SRSF10: variants seen among roughly 807,000 people sequenced by gnomAD.
SRSF10 encodes serine/arginine-rich splicing factor 10.
In SRSF10, 9 loss-of-function variants were observed where a neutral mutation model predicts 32.6. The ratio of observed to expected loss-of-function variants is 0.28; its 90% CI spans 0.17 to 0.48. SRSF10 has a LOEUF of 0.48. Ranked by LOEUF, SRSF10 falls within the 20% of genes least tolerant of loss-of-function variation. The probability of loss-of-function intolerance (pLI) is 0.99; values close to 1 mark genes in which losing one functional copy is unlikely to be tolerated. For synonymous variants in SRSF10, 105 were observed against 112.4 expected, an observed-to-expected ratio of 0.93 and a Z score of 0.42; for missense variants, 201 against 331.8, an observed-to-expected ratio of 0.61 and a Z score of 3.06.
chr1:23,970,410 G>A lies in SRSF10; in HGVS notation c.*732C>T. The A allele has an allele frequency of 1.1e-6, 1 of 945,398 alleles. No individual in the cohort carries two copies. The highest frequency in any genetic ancestry group is 1.3e-6 in the Non-Finnish European group (1 of 795,578). The allele number at this position is 945,398 out of a possible 1,614,324, so 58.6% of individuals were successfully genotyped here. A position where few individuals can be genotyped will look rare whatever the true frequency, so the allele number is the denominator to read the frequency against. On this transcript the variant is annotated 3_prime_UTR_variant, in exon 6 of 6. Coordinates refer to ENST00000492112, the MANE Select transcript of SRSF10 (RefSeq NM_054016.4). ...GAGTCTCACTCTGTTGCCCAGGCTG[G>A]AGTGCAGTGGCGTGATTTTGGCTCA...
chr1:23,965,487 G>C lies in SRSF10; in HGVS notation c.*5655C>G, dbSNP rs1557554803. The stretch of plus-strand genomic sequence containing the variant: ...GAGAAATGAATAGCATAATATGCAA[G>C]AAGCTATCACATGATGGGTATTCTA... On this transcript the variant is annotated 3_prime_UTR_variant, in exon 6 of 6. Transcript: ENST00000492112. 1 of 151,984 alleles carries C rather than the reference G, an allele frequency of 6.6e-6. No homozygotes were observed. Among genetic ancestry groups the C allele is most frequent in the East Asian group, 1.9e-4 (1 of 5,204 alleles). The allele number at this position is 151,984 out of a possible 1,614,324, so 9.4% of individuals were successfully genotyped here. A position where few individuals can be genotyped will look rare whatever the true frequency, so the allele number is the denominator to read the frequency against.
At chr1:23,980,091 A>T (rs1570799761) in intron 1 of SRSF10, 100 bp downstream of exon 1, 1 of 1,308,116 alleles carries the variant, frequency 7.6e-7, no homozygotes, top group Non-Finnish European at 1.0e-6. Context: ...CGCCATCTTC[A>T]CTCCGTCCCC....
At chr1:23,973,208 A>C (rs1313367350) in intron 3 of SRSF10, among the ~76,000 whole-genome samples, 1 of 152,262 alleles carries the variant, frequency 6.6e-6, no homozygotes, top group African/African-American at 2.4e-5. Flanking sequence ...GTTAAAAATA[A>C]TACTAATATC....
In SRSF10 at chr1:23,970,926, C is replaced by A; in HGVS notation, c.*216G>T. ...TCTTTACAAAAATATACAGAGACAC[C>A]ACAAATTGGTAGCTGCCCATAACAT... On this transcript the variant is annotated 3_prime_UTR_variant, in exon 6 of 6. Coordinates refer to ENST00000492112, the MANE Select transcript of SRSF10 (RefSeq NM_054016.4). 2 of 1,254,328 alleles carry A rather than the reference C, an allele frequency of 1.6e-6. No homozygotes were observed. Among genetic ancestry groups the A allele is most frequent in the South Asian group, 3.2e-5 (1 of 30,800 alleles). The allele number at this position is 1,254,328 out of a possible 1,614,324, so 77.7% of individuals were successfully genotyped here.
chr1:23,977,368 A>G (rs1398496505), intron 2 of SRSF10: 2 of 152,262 alleles, frequency 1.3e-5, no homozygotes, highest in African/African-American at 4.8e-5. Flanking sequence ...TTAGGTACCT[A>G]TACCAGGGAG....
Position 23,967,725 on chromosome 1 carries a change from TTAAA to T in SRSF10, c.*3413_*3416del. ...TGGGTATTCCAGCTGCAGTTTGGTC[TTAAA>T]TAAAAGAAGGATGTTTGTCAGTTTG... On this transcript the variant is annotated 3_prime_UTR_variant, in exon 6 of 6. Coordinates refer to ENST00000492112, the MANE Select transcript of SRSF10 (RefSeq NM_054016.4). 1 of 1,611,776 alleles carries T rather than the reference TTAAA, an allele frequency of 6.2e-7. No individual in the cohort carries two copies.
Position 23,968,051 on chromosome 1 carries a change from T to G in SRSF10, c.*3091A>C. The G allele has an allele frequency of 6.6e-7, 1 of 1,522,038 alleles. No homozygotes were observed. 94.3% of individuals were successfully genotyped at this position (1,522,038 alleles called of 1,614,324 possible). Reference sequence around the variant, plus strand: ...TTGAGTGTTGATATAACCATTCTATTTATCATTGAGCCCAGTCATACACAG... The same window carrying G: ...TTGAGTGTTGATATAACCATTCTATGTATCATTGAGCCCAGTCATACACAG... On this transcript the variant is annotated 3_prime_UTR_variant, in exon 6 of 6. Coordinates refer to ENST00000492112, the MANE Select transcript of SRSF10 (RefSeq NM_054016.4).
chr1:23,972,670 G>A (rs2148502559), intron 3 of SRSF10, among the ~76,000 whole-genome samples: 1 of 151,356 alleles, frequency 6.6e-6, no homozygotes, highest in East Asian at 2.0e-4. Context: ...TCGAATTCCT[G>A]ACCTCAAATA....
In SRSF10 at chr1:23,966,451, G is replaced by C. The variant is rs1410691369; in HGVS notation, c.*4691C>G. ...AACTAAGGAATCCAAAACATTTTGT[G>C]ATACTATAAAAGTTATTTATTCGCT... On this transcript the variant is annotated 3_prime_UTR_variant, in exon 6 of 6. Transcript: ENST00000492112. 20 of 152,032 alleles carry C rather than the reference G, an allele frequency of 1.3e-4. No homozygotes were observed. Among genetic ancestry groups the C allele is most frequent in the Admixed American group, 1.3e-3 (20 of 15,264 alleles). The allele number at this position is 152,032 out of a possible 1,614,324, so 9.4% of individuals were successfully genotyped here.
In SRSF10 at chr1:23,966,126, G is replaced by A. The variant is rs905900382; in HGVS notation, c.*5016C>T. On this transcript the variant is annotated 3_prime_UTR_variant, in exon 6 of 6. Transcript: ENST00000492112. The stretch of plus-strand genomic sequence containing the variant: ...AACAACAAACATGGTAACAAAAGAT[G>A]AAACAAGTGAAAAATTATGGGCTGT... 6.6e-6 allele frequency: 1 copy of A among 151,852 alleles called. No homozygotes were observed. Among genetic ancestry groups the A allele is most frequent in the South Asian group, 2.1e-4 (1 of 4,832 alleles). 9.4% of individuals were successfully genotyped at this position (151,852 alleles called of 1,614,324 possible). A position where few individuals can be genotyped will look rare whatever the true frequency, so the allele number is the denominator to read the frequency against.
chr1:23,973,787 C>A (rs1191512897), intron 3 of SRSF10, among the ~76,000 whole-genome samples: 2 of 152,076 alleles, frequency 1.3e-5, no homozygotes, highest in African/African-American at 4.8e-5. Context: ...AGTTCTAAGA[C>A]CCTAAGTAGA....
chr1:23,978,525 TA>T, intron 2 of SRSF10, 187 bp downstream of exon 2: 1 of 791,508 alleles, frequency 1.3e-6, no homozygotes, highest in Non-Finnish European at 1.8e-6. Context: ...GGAATTTATA[TA>T]TTTTACCATT....
rs1641440915 is a variant in SRSF10, at chr1:23,966,200, A to C, written c.*4942T>G. 1 of 151,892 alleles carries C rather than the reference A, an allele frequency of 6.6e-6. No homozygotes were observed. The highest frequency in any genetic ancestry group is 2.4e-5 in the African/African-American group (1 of 41,418). 9.4% of individuals were successfully genotyped at this position (151,892 alleles called of 1,614,324 possible). ...TGTGATCTTGGGCAAGTTCAAACAA[A>C]ATTTCTAAAATAAAATACAAACAAT... On this transcript the variant is annotated 3_prime_UTR_variant, in exon 6 of 6. Transcript: ENST00000492112.
In SRSF10 at chr1:23,964,728, C is replaced by T. The variant is rs1281633211; in HGVS notation, c.*6414G>A. 1.3e-5 allele frequency: 2 copies of T among 151,972 alleles called. No individual in the cohort carries two copies. The highest frequency in any genetic ancestry group is 2.4e-5 in the African/African-American group (1 of 41,418). The allele number at this position is 151,972 out of a possible 1,614,324, so 9.4% of individuals were successfully genotyped here. A position where few individuals can be genotyped will look rare whatever the true frequency, so the allele number is the denominator to read the frequency against. On this transcript the variant is annotated 3_prime_UTR_variant, in exon 6 of 6. Transcript: ENST00000492112. Reference sequence around the variant, plus strand: ...AGAGGGACAGAGTGCATCTCTAAAACCTCTTACACAAATTAGGAAAAAGTT... The same window carrying T: ...AGAGGGACAGAGTGCATCTCTAAAATCTCTTACACAAATTAGGAAAAAGTT...
Position 23,980,220 on chromosome 1 carries a change from C to G in SRSF10, c.36G>C (p.Leu12=), listed in dbSNP as rs1570800122. The G allele has an allele frequency of 2.6e-6, 4 of 1,529,072 alleles. No individual in the cohort carries two copies. The East Asian group carries it at 1.1e-4, about 41-fold the overall frequency. The allele number at this position is 1,529,072 out of a possible 1,614,324, so 94.7% of individuals were successfully genotyped here. A position where few individuals can be genotyped will look rare whatever the true frequency, so the allele number is the denominator to read the frequency against. The change falls in exon 1 of 6, where the codon CTG becomes CTC. Residue 12 remains leucine, a synonymous_variant. Transcript: ENST00000492112. ...TGTCGTCGGCCACGTTCCTGACGAA[C>G]AGAGACGTGTTGGGGGGACGCAGGT... The part of the protein sequence containing the change: ...SRYLRPPNTS[L]FVRNVADDTR...
At chr1:23,979,057 G>GTTTTTTTTTTTTTTTTTTT (rs71655401) in intron 1 of SRSF10, 2 of 134,030 alleles carry the variant, frequency 1.5e-5, no homozygotes, top group African/African-American at 2.7e-5. Flanking sequence ...TATAAGCCTT[G>GTTTTTTTTTTTTTTTTTTT]TTTTTTTTTT....
In SRSF10 at chr1:23,969,281, T is replaced by C; in HGVS notation, c.*1861A>G. On this transcript the variant is annotated 3_prime_UTR_variant, in exon 6 of 6. Transcript: ENST00000492112. Reference sequence around the variant, plus strand: ...TTAACCCCACAACTTTCCTCTTTGCTAGAACTGTAAACTACTGCTACAGTT... The same window carrying C: ...TTAACCCCACAACTTTCCTCTTTGCCAGAACTGTAAACTACTGCTACAGTT... 6.1e-6 allele frequency: 6 copies of C among 985,634 alleles called. No individual in the cohort carries two copies. Among genetic ancestry groups the C allele is most frequent in the Non-Finnish European group, 7.2e-6 (6 of 829,712 alleles). 61.1% of individuals were successfully genotyped at this position (985,634 alleles called of 1,614,324 possible). A position where few individuals can be genotyped will look rare whatever the true frequency, so the allele number is the denominator to read the frequency against.
rs1442669923 is a variant in SRSF10 at position 23,964,933 on chromosome 1, C to G, written c.*6209G>C. On this transcript the variant is annotated 3_prime_UTR_variant, in exon 6 of 6. Coordinates refer to ENST00000492112, the MANE Select transcript of SRSF10 (RefSeq NM_054016.4). ...GGTTAGTTCTCAATGAATTTACATGCCTCACTTTTTATTCCAAGAAAAATC... is the reference window on the plus strand; with the variant it reads ...GGTTAGTTCTCAATGAATTTACATGGCTCACTTTTTATTCCAAGAAAAATC... The G allele has an allele frequency of 6.6e-6, 1 of 151,934 alleles. No individual in the cohort carries two copies. Among genetic ancestry groups the G allele is most frequent in the African/African-American group, 2.4e-5 (1 of 41,414 alleles). The allele number at this position is 151,934 out of a possible 1,614,324, so 9.4% of individuals were successfully genotyped here. A position where few individuals can be genotyped will look rare whatever the true frequency, so the allele number is the denominator to read the frequency against.
intron 3 of SRSF10, among the ~76,000 whole-genome samples, chr1:23,972,243 C>G (rs1195907150): frequency 1.3e-5 from 2 of 151,846 alleles, no homozygotes; most frequent in Non-Finnish European, 2.9e-5. Context: ...TATGCCATTT[C>G]TACAAAAAAT....
Sources: gnomAD v4.1 joint callset for allele counts (sites outside exome capture counted in the v4.1 genomes callset) on GRCh38, gnomAD v4.1.1 for gene constraint, MANE v1.5 for transcripts, NCBI Gene and HGNC (gene_info 2026-07-23, HGNC 2026-07-21) for gene names.